ADAMTS3: variants seen among roughly 807,000 people sequenced by gnomAD.
ADAMTS3 encodes the protein ADAM metallopeptidase with thrombospondin type 1 motif 3, also known as A disintegrin and metalloproteinase with thrombospondin motifs 3.
ADAMTS3 carries 73 observed loss-of-function variants against 129.0 expected under a neutral mutation model. The ratio of observed to expected loss-of-function variants is 0.57; its 90% CI spans 0.47 to 0.69. The LOEUF (loss-of-function observed/expected upper bound fraction) is 0.69, where lower values mean the gene tolerates loss of function less well. ADAMTS3 is among the 30% of genes least tolerant of loss of function. ADAMTS3 has a pLI of 0.00. For missense variants in ADAMTS3, 1,457 were observed against 1,514.5 expected, an observed-to-expected ratio of 0.96 and a Z score of 0.63; for synonymous variants, 477 against 510.8, an observed-to-expected ratio of 0.93 and a Z score of 0.89.
chr4:72,292,926 C>G (rs779939549), intron 19 of ADAMTS3, among the ~76,000 whole-genome samples: 2 of 152,112 alleles, frequency 1.3e-5, no homozygotes, highest in South Asian at 4.1e-4. Flanking sequence ...TGATGACTCT[C>G]TTTTGAAGAC....
At chr4:72,472,965 A>C (rs995693231) in intron 3 of ADAMTS3, among the ~76,000 whole-genome samples, 3 of 152,212 alleles carry the variant, frequency 2.0e-5, no homozygotes, top group African/African-American at 7.2e-5. Context: ...AAAATACAGC[A>C]AAACAAAATC....
chr4:72,469,870 T>C (rs1330848458), intron 3 of ADAMTS3, among the ~76,000 whole-genome samples: 2 of 152,178 alleles, frequency 1.3e-5, no homozygotes, highest in African/African-American at 4.8e-5. Context: ...ATTGTAAGAA[T>C]ACAGTATATA....
At chr4:72,291,429 T>C (rs1718665351) in intron 19 of ADAMTS3, among the ~76,000 whole-genome samples, 1 of 116,694 alleles carries the variant, frequency 8.6e-6, no homozygotes, top group East Asian at 2.9e-4. Context: ...GTCCCCAGAG[T>C]GTGATGTTCC....
intron 1 of ADAMTS3, among the ~76,000 whole-genome samples, chr4:72,568,249 G>C (rs1722072003): frequency 6.6e-6 from 1 of 152,132 alleles, no homozygotes; most frequent in Non-Finnish European, 1.5e-5. Context: ...AAAAAACCGT[G>C]AGTCAGTTCG....
intron 17 of ADAMTS3, among the ~76,000 whole-genome samples, chr4:72,303,156 G>A (rs1016353386): frequency 6.6e-6 from 1 of 152,054 alleles, no homozygotes; most frequent in Middle Eastern, 3.2e-3. Context: ...TCTCTTCTGT[G>A]CTGCTGAATG....
At chr4:72,496,267 T>C (rs1205891048) in intron 3 of ADAMTS3, among the ~76,000 whole-genome samples, 1 of 152,162 alleles carries the variant, frequency 6.6e-6, no homozygotes, top group Non-Finnish European at 1.5e-5. Context: ...CCTTCAAATG[T>C]AATAAATTAA....
rs1718859782 is a variant in ADAMTS3, at chr4:72,298,258, A to C, written c.2590+19T>G. 3 of 1,605,018 alleles carry C rather than the reference A, an allele frequency of 1.9e-6. No individual in the cohort carries two copies. Among genetic ancestry groups the C allele is most frequent in the Middle Eastern group, 1.7e-4 (1 of 5,994 alleles). On this transcript the variant is annotated intron_variant, in intron 18 of 21. Coordinates refer to ENST00000286657, the MANE Select transcript of ADAMTS3 (RefSeq NM_014243.3). ...TATATGCATTACATTTTAATATAAT[A>C]AATGTGTTCAATGGTTACCTCCACC...
At chr4:72,530,499 C>T (rs375944326) in intron 3 of ADAMTS3, among the ~76,000 whole-genome samples, 33 of 21,066 alleles carry the variant, frequency 1.6e-3, no homozygotes, top group Admixed American at 2.2e-3. Context: ...TATTTATATA[C>T]AAATATATAT....
chr4:72,323,019 C>A lies in ADAMTS3; in HGVS notation c.940G>T (p.Ala314Ser). 6.2e-7 allele frequency: 1 copy of A among 1,611,934 alleles called. No individual in the cohort carries two copies. The highest frequency in any genetic ancestry group is 8.5e-7 in the Non-Finnish European group (1 of 1,178,280). Residue 314 changes from alanine to serine, a missense_variant, in exon 6 of 22, where the codon GCA becomes TCA. Transcript: ENST00000286657. ...VLVRMIMLGY[A>S]KSISLIERGN... is the part of the protein sequence containing the mutation. ...CATGTTTTAAGACATTTTACCTTTG[C>A]ATATCCCAGCATTATCATGCGCACC... is the stretch of plus-strand genomic sequence containing the variant.
intron 5 of ADAMTS3, among the ~76,000 whole-genome samples, chr4:72,326,122 G>A (rs1358281014): frequency 6.6e-6 from 1 of 152,056 alleles, no homozygotes; most frequent in Non-Finnish European, 1.5e-5. Flanking sequence ...ACCAAAATCA[G>A]TTTAAGAATG....
At chr4:72,408,908 G>A (rs1487258116) in intron 4 of ADAMTS3, among the ~76,000 whole-genome samples, 2 of 151,864 alleles carry the variant, frequency 1.3e-5, no homozygotes, top group East Asian at 3.9e-4. Context: ...ACACACCAGG[G>A]CCGGTCGGGG....
chr4:72,291,821 G>A (rs563851282), intron 19 of ADAMTS3, among the ~76,000 whole-genome samples: 65 of 152,198 alleles, frequency 4.3e-4, no homozygotes, highest in Non-Finnish European at 6.2e-4. Context: ...CTGAGGAATC[G>A]CCACACTGAC....
chr4:72,477,444 G>A (rs1310584598), intron 3 of ADAMTS3, among the ~76,000 whole-genome samples: 1 of 152,074 alleles, frequency 6.6e-6, no homozygotes, highest in African/African-American at 2.4e-5. Flanking sequence ...AATGACTACT[G>A]GGTACGTAAC....
At chr4:72,304,149 C>CA (rs1484123779) in intron 16 of ADAMTS3, 69 bp from the exon 17 acceptor site, 2 of 1,417,772 alleles carry the variant, frequency 1.4e-6, no homozygotes, top group Non-Finnish European at 2.0e-6. Flanking sequence ...AGATTCACAG[C>CA]AAGTATATCC....
At chr4:72,414,788 A>C (rs757325604) in intron 4 of ADAMTS3, 27 bp downstream of exon 4, 3 of 1,344,802 alleles carry the variant, frequency 2.2e-6, no homozygotes, top group Admixed American at 6.0e-5. Flanking sequence ...ATTATATTTC[A>C]TTATTAAGCT....
chr4:72,431,124 G>A (rs766482663), intron 3 of ADAMTS3, among the ~76,000 whole-genome samples: 1 of 151,902 alleles, frequency 6.6e-6, no homozygotes, highest in Non-Finnish European at 1.5e-5. Context: ...GAAAGAAGCA[G>A]AAGCAATGCA....
chr4:72,533,261 A>G (rs1721090939), intron 3 of ADAMTS3, among the ~76,000 whole-genome samples: 1 of 152,128 alleles, frequency 6.6e-6, no homozygotes, highest in Non-Finnish European at 1.5e-5. Context: ...GAACATACAC[A>G]TTACCTTAGG....
At chr4:72,355,115 CTTG>C (rs899302109) in intron 4 of ADAMTS3, among the ~76,000 whole-genome samples, 6 of 151,386 alleles carry the variant, frequency 4.0e-5, no homozygotes, top group African/African-American at 1.2e-4. Context: ...AGTAGTTAAT[CTTG>C]TTATTTTTCA....
intron 4 of ADAMTS3, among the ~76,000 whole-genome samples, chr4:72,390,092 A>G (rs1243674705): frequency 2.6e-5 from 4 of 152,170 alleles, no homozygotes; most frequent in African/African-American, 9.7e-5. Flanking sequence ...TCCAGCACTA[A>G]TTCAGGTATT....
Sources: gnomAD v4.1 joint callset for allele counts (sites outside exome capture counted in the v4.1 genomes callset) on GRCh38, gnomAD v4.1.1 for gene constraint, MANE v1.5 for transcripts, NCBI Gene and HGNC (gene_info 2026-07-23, HGNC 2026-07-21) for gene names.